KHDRBS2: variants seen among roughly 807,000 people sequenced by gnomAD.
KHDRBS2 encodes KH domain-containing, RNA-binding, signal transduction-associated protein 2.
A neutral mutation model predicts 44.3 loss-of-function variants in KHDRBS2; 26 were observed. That is an observed-to-expected ratio of 0.59 (90% CI 0.43 to 0.81). The LOEUF is 0.81. Among genes scored for constraint, KHDRBS2 ranks in the 40% least tolerant of loss-of-function variants. The pLI is 0.00. For missense variants in KHDRBS2, 476 were observed against 433.1 expected, an observed-to-expected ratio of 1.10 and a Z score of -0.88; for synonymous variants, 194 against 151.1, an observed-to-expected ratio of 1.28 and a Z score of -2.08.
the KHDRBS2 span, among the ~76,000 whole-genome samples, chr6:61,567,690 CT>C: frequency 7.4e-6 from 1 of 135,152 alleles, no homozygotes; most frequent in Non-Finnish European, 1.6e-5. Flanking sequence ...TCTCTCCCTC[CT>C]TTCCCCTTTC....
intron 6 of KHDRBS2, among the ~76,000 whole-genome samples, chr6:61,814,611 CA>C (rs1788622295): frequency 6.6e-6 from 1 of 151,938 alleles, no homozygotes; most frequent in African/African-American, 2.4e-5. Context: ...TCTCAAAAAA[CA>C]AAAACAAACA....
chr6:62,024,134 A>T (rs546556155), intron 3 of KHDRBS2, among the ~76,000 whole-genome samples: 84 of 151,486 alleles, frequency 5.5e-4, no homozygotes, highest in African/African-American at 2.0e-3. Context: ...AATAGAATTT[A>T]TAATAGTTTT....
At chr6:61,834,384 G>C (rs1232068966) in intron 6 of KHDRBS2, among the ~76,000 whole-genome samples, 1 of 151,978 alleles carries the variant, frequency 6.6e-6, no homozygotes, top group African/African-American at 2.4e-5. Flanking sequence ...ACTACATAAT[G>C]AAGTCAACAT....
chr6:62,018,721 C>A (rs1399682138), intron 3 of KHDRBS2, among the ~76,000 whole-genome samples: 4 of 152,096 alleles, frequency 2.6e-5, no homozygotes, highest in Admixed American at 1.3e-4. Flanking sequence ...ACTGAGTAGA[C>A]AAGAGAAAAA....
At chr6:62,106,490 T>G (rs567925684) in intron 2 of KHDRBS2, among the ~76,000 whole-genome samples, 2 of 152,162 alleles carry the variant, frequency 1.3e-5, no homozygotes, top group Non-Finnish European at 1.5e-5. Flanking sequence ...ATATTTAGGA[T>G]AGTTAGCTAT....
In KHDRBS2 at chr6:61,823,244, T is replaced by G. The variant is rs372024898; in HGVS notation, c.810+71391A>C. Among the ~76,000 whole-genome samples the G allele has an allele frequency of 3.3e-5, 5 of 152,190 alleles. No homozygotes were observed. In the South Asian group the frequency reaches 8.3e-4, roughly 25 times the overall value. Reference sequence around the variant, plus strand: ...TAACACATTGCTGACATCTCTTAGTTCTCACTAAAGGTTTTCCCCAGATCA... The same window carrying G: ...TAACACATTGCTGACATCTCTTAGTGCTCACTAAAGGTTTTCCCCAGATCA... On this transcript the variant is annotated intron_variant, in intron 6 of 8. Coordinates refer to ENST00000281156, the MANE Select transcript of KHDRBS2 (RefSeq NM_152688.4).
chr6:62,070,217 A>G (rs2127343748), intron 2 of KHDRBS2, among the ~76,000 whole-genome samples: 1 of 151,800 alleles, frequency 6.6e-6, no homozygotes, highest in East Asian at 2.0e-4. Context: ...TATTTTGATG[A>G]AGACTTACAC....
chr6:61,633,059 A>G, the KHDRBS2 span, among the ~76,000 whole-genome samples: 1 of 152,102 alleles, frequency 6.6e-6, no homozygotes, highest in Non-Finnish European at 1.5e-5. Flanking sequence ...AAGGCTTACT[A>G]TATTCAGAAT....
chr6:62,109,309 A>C (rs933358758), intron 2 of KHDRBS2, among the ~76,000 whole-genome samples: 3 of 152,106 alleles, frequency 2.0e-5, no homozygotes, highest in African/African-American at 2.4e-5. Flanking sequence ...TAATTTTTAA[A>C]AAAAGTACTT....
chr6:62,153,016 G>T (rs1446077458), intron 2 of KHDRBS2, among the ~76,000 whole-genome samples: 1 of 152,204 alleles, frequency 6.6e-6, no homozygotes, highest in Non-Finnish European at 1.5e-5. Context: ...TGGTGATTAC[G>T]TATGTGAATG....
At chr6:61,855,947 A>G (rs1008466510) in intron 6 of KHDRBS2, among the ~76,000 whole-genome samples, 2 of 152,088 alleles carry the variant, frequency 1.3e-5, no homozygotes, top group African/African-American at 4.8e-5. Context: ...CTCTTAATAA[A>G]CTACTTGCAC....
intron 2 of KHDRBS2, among the ~76,000 whole-genome samples, chr6:62,079,371 A>G (rs972909616): frequency 5.2e-4 from 79 of 152,158 alleles, no homozygotes; most frequent in African/African-American, 1.9e-3. Flanking sequence ...TCCTGTAGGC[A>G]GCTACTATGT....
intron 4 of KHDRBS2, among the ~76,000 whole-genome samples, chr6:61,957,338 G>C (rs541947397): frequency 6.6e-6 from 1 of 152,300 alleles, no homozygotes; most frequent in Admixed American, 6.5e-5. Flanking sequence ...CAGGGAACAA[G>C]GGAGATAACC....
At chr6:62,052,208 T>A (rs1789225391) in intron 2 of KHDRBS2, among the ~76,000 whole-genome samples, 1 of 152,022 alleles carries the variant, frequency 6.6e-6, no homozygotes, top group Non-Finnish European at 1.5e-5. Context: ...GCATTATTCA[T>A]GATACTAAAG....
intron 1 of KHDRBS2, among the ~76,000 whole-genome samples, chr6:62,253,123 A>G (rs1194808541): frequency 3.3e-5 from 5 of 152,034 alleles, no homozygotes; most frequent in Admixed American, 1.3e-4. Flanking sequence ...AGCAGGCTTT[A>G]TAATTATTGT....
At chr6:62,274,799 C>T (rs1222363859) in intron 1 of KHDRBS2, among the ~76,000 whole-genome samples, 1 of 152,020 alleles carries the variant, frequency 6.6e-6, no homozygotes, top group Non-Finnish European at 1.5e-5. Flanking sequence ...TCTCCTTCCC[C>T]CTCCTCAAAC....
At chr6:61,919,389 A>C (rs1807620683) in intron 4 of KHDRBS2, among the ~76,000 whole-genome samples, 2 of 151,904 alleles carry the variant, frequency 1.3e-5, no homozygotes, top group South Asian at 4.1e-4. Context: ...CATTATAGCA[A>C]AATGGGCAAT....
chr6:61,688,703 C>G (rs1466601125), intron 8 of KHDRBS2, among the ~76,000 whole-genome samples: 4 of 151,938 alleles, frequency 2.6e-5, no homozygotes, highest in Non-Finnish European at 5.9e-5. Context: ...GTTAATCTTT[C>G]TGTATGACCT....
chr6:61,549,331 A>C, the KHDRBS2 span, among the ~76,000 whole-genome samples: 1 of 152,162 alleles, frequency 6.6e-6, no homozygotes, highest in Admixed American at 6.5e-5. Flanking sequence ...GGACTCCTTC[A>C]CAGTCTTAAA....
Sources: gnomAD v4.1 joint callset for allele counts (sites outside exome capture counted in the v4.1 genomes callset) on GRCh38, gnomAD v4.1.1 for gene constraint, MANE v1.5 for transcripts, NCBI Gene and HGNC (gene_info 2026-07-23, HGNC 2026-07-21) for gene names.